The following CTNNA3 variants were observed in gnomAD, a reference collection of about 807,000 sequenced individuals.
CTNNA3 encodes the protein catenin alpha 3, also known as catenin alpha-3.
Under a neutral mutation model 95.7 loss-of-function variants are expected in CTNNA3, and 76 were observed. That is an observed-to-expected ratio of 0.79 (90% CI 0.66 to 0.96). The LOEUF is 0.96. Ranked by LOEUF, CTNNA3 falls within the 40% of genes least tolerant of loss-of-function variation. CTNNA3 has a pLI of 0.00. For synonymous variants in CTNNA3, 431 were observed against 374.4 expected, an observed-to-expected ratio of 1.15 and a Z score of -1.74; for missense variants, 1,191 against 1,089.8, an observed-to-expected ratio of 1.09 and a Z score of -1.31.
chr10:67,620,926 T>TAC (rs1843819603), intron 2 of CTNNA3, among the ~76,000 whole-genome samples: 1 of 77,078 alleles, frequency 1.3e-5, no homozygotes, highest in African/African-American at 8.0e-5. Flanking sequence ...TGTGTGTGTA[T>TAC]ATATATATAT....
chr10:66,403,537 A>G, intron 11 of CTNNA3, among the ~76,000 whole-genome samples: 1 of 152,148 alleles, frequency 6.6e-6, no homozygotes, highest in East Asian at 1.9e-4. Context: ...TCATGAGAGC[A>G]GCATGGAGGG....
At position 66,103,255 on chromosome 10, in the gene CTNNA3, A is replaced by C; in HGVS notation, c.1885-6T>G. 1 of 1,608,386 alleles carries C rather than the reference A, an allele frequency of 6.2e-7. No homozygotes were observed. The highest frequency in any genetic ancestry group is 8.5e-7 in the Non-Finnish European group (1 of 1,174,768). On this transcript the variant is annotated splice_polypyrimidine_tract_variant and splice_region_variant and intron_variant, in intron 13 of 17. Transcript: ENST00000433211. Reference sequence around the variant, plus strand: ...TCCTCCAGTTCCTCTGGGGTCTATAAAAAGAAAGCAAAACATTGCTAGTGG... The same window carrying C: ...TCCTCCAGTTCCTCTGGGGTCTATACAAAGAAAGCAAAACATTGCTAGTGG...
At chr10:66,750,482 A>C (rs1026636343) in intron 9 of CTNNA3, among the ~76,000 whole-genome samples, 1 of 152,160 alleles carries the variant, frequency 6.6e-6, no homozygotes, top group Non-Finnish European at 1.5e-5. Context: ...TCTTTTCTCC[A>C]TTGTAATGCT....
intron 7 of CTNNA3, among the ~76,000 whole-genome samples, chr10:67,112,469 T>C (rs1268799890): frequency 6.6e-6 from 1 of 152,166 alleles, no homozygotes; most frequent in Non-Finnish European, 1.5e-5. Context: ...GTGGATCTTG[T>C]CAGCACTTAT....
In CTNNA3 at chr10:66,945,416, C is replaced by T. The variant is rs948420671; in HGVS notation, c.1048-169892G>A. 3.3e-5 allele frequency among the ~76,000 whole-genome samples: 5 copies of T among 152,172 alleles called. 1 individual carries two copies. Among genetic ancestry groups the T allele is most frequent in the Admixed American group, 1.3e-4 (2 of 15,274 alleles). ...CAACCTTTCCTTCTGCAGCTTCCTC[C>T]CTTCTTTCAGCCTTTGTAGAATTGA... On this transcript the variant is annotated intron_variant, in intron 7 of 17. Coordinates refer to ENST00000433211, the MANE Select transcript of CTNNA3 (RefSeq NM_013266.4).
chr10:66,861,081 A>G (rs980868068), intron 7 of CTNNA3, among the ~76,000 whole-genome samples: 1 of 152,214 alleles, frequency 6.6e-6, no homozygotes, highest in Admixed American at 6.5e-5. Context: ...TGATTCCTTT[A>G]AAGTTATTCA....
chr10:66,261,796 T>C (rs1290490858), intron 13 of CTNNA3, among the ~76,000 whole-genome samples: 1 of 152,022 alleles, frequency 6.6e-6, no homozygotes, highest in Non-Finnish European at 1.5e-5. Context: ...GACAACCATT[T>C]TGAAGACCCC....
intron 11 of CTNNA3, among the ~76,000 whole-genome samples, chr10:66,473,218 C>A (rs1839197553): frequency 6.6e-6 from 1 of 151,910 alleles, no homozygotes; most frequent in African/African-American, 2.4e-5. Flanking sequence ...GAATTCTAAT[C>A]CCCATAATCC....
chr10:66,560,586 G>T (rs944737195), intron 10 of CTNNA3, among the ~76,000 whole-genome samples: 1 of 151,970 alleles, frequency 6.6e-6, no homozygotes, highest in African/African-American at 2.4e-5. Flanking sequence ...ACAGCTTTAT[G>T]TCCTAGCCTA....
chr10:66,784,804 T>A (rs1840677179), intron 7 of CTNNA3, among the ~76,000 whole-genome samples: 1 of 152,168 alleles, frequency 6.6e-6, no homozygotes, highest in Non-Finnish European at 1.5e-5. Flanking sequence ...AGAGGATTTA[T>A]ATAAAGAATC....
At chr10:66,018,750 C>G (rs1443623744) in intron 15 of CTNNA3, among the ~76,000 whole-genome samples, 2 of 151,824 alleles carry the variant, frequency 1.3e-5, no homozygotes, top group Non-Finnish European at 2.9e-5. Flanking sequence ...GAGGGTGGAG[C>G]AAGAAAAACT....
intron 7 of CTNNA3, among the ~76,000 whole-genome samples, chr10:67,008,362 T>C (rs115526830): frequency 0.025 from 3,849 of 152,278 alleles, 187 homozygotes; most frequent in African/African-American, 0.088. Context: ...TTTACATTGA[T>C]TAAAGATTTA....
chr10:66,666,330 A>C (rs535125528), intron 9 of CTNNA3, among the ~76,000 whole-genome samples: 1 of 152,248 alleles, frequency 6.6e-6, no homozygotes, highest in African/African-American at 2.4e-5. Flanking sequence ...TCAGGGTTTG[A>C]CTTTTTTCTA....
In CTNNA3 at chr10:66,928,862, A is replaced by C. The variant is rs566217572; in HGVS notation, c.1048-153338T>G. On this transcript the variant is annotated intron_variant, in intron 7 of 17. Coordinates refer to ENST00000433211, the MANE Select transcript of CTNNA3 (RefSeq NM_013266.4). ...TGCACCTCACTGGCAAATCAAGGAA[A>C]GAGGTGAATGATTCCAGGTGCTCGG... Among the ~76,000 whole-genome samples the C allele has an allele frequency of 3.7e-4, 56 of 152,356 alleles. No homozygotes were observed. In the East Asian group the frequency reaches 0.011, roughly 29 times the overall value.
intron 11 of CTNNA3, among the ~76,000 whole-genome samples, chr10:66,429,913 CAGG>C (rs2093279366): frequency 2.0e-5 from 3 of 151,444 alleles, no homozygotes; most frequent in Admixed American, 6.6e-5. Flanking sequence ...GGCAATCAGG[CAGG>C]AGAAGGAAAT....
intron 7 of CTNNA3, among the ~76,000 whole-genome samples, chr10:66,970,567 T>C (rs1849666177): frequency 1.3e-5 from 2 of 152,064 alleles, no homozygotes; most frequent in Non-Finnish European, 2.9e-5. Flanking sequence ...ACATAAATTC[T>C]AATAATGCCA....
At chr10:66,041,942 C>A (rs903640161) in intron 15 of CTNNA3, among the ~76,000 whole-genome samples, 4 of 152,190 alleles carry the variant, frequency 2.6e-5, no homozygotes, top group African/African-American at 9.6e-5. Flanking sequence ...GCTCATGTCA[C>A]GCTTCTCAGC....
intron 11 of CTNNA3, among the ~76,000 whole-genome samples, chr10:66,490,769 C>T (rs1839896016): frequency 6.6e-6 from 1 of 152,132 alleles, no homozygotes; most frequent in African/African-American, 2.4e-5. Context: ...TTCGCATCTT[C>T]TCTTTACCTG....
intron 11 of CTNNA3, among the ~76,000 whole-genome samples, chr10:66,380,615 ATCTATC>A (rs1564912673): frequency 9.0e-6 from 1 of 111,110 alleles, no homozygotes; most frequent in African/African-American, 5.0e-5. Context: ...CTATCTATCT[ATCTATC>A]TATCTATATA....
Sources: allele counts gnomAD v4.1 joint callset (sites outside exome capture counted in the v4.1 genomes callset), GRCh38; gene constraint gnomAD v4.1.1; transcripts MANE v1.5; gene names NCBI Gene and HGNC (gene_info 2026-07-23, HGNC 2026-07-21).